Variants in PTPRD observed in about 807,000 individuals in gnomAD.
The protein encoded by PTPRD is protein tyrosine phosphatase receptor type D.
Under a neutral mutation model 214.5 loss-of-function variants are expected in PTPRD, and 34 were observed. That is an observed-to-expected ratio of 0.16 (90% CI 0.12 to 0.21). PTPRD has a LOEUF of 0.21. Ranked by LOEUF, PTPRD falls within the 10% of genes least tolerant of loss-of-function variation. PTPRD has a pLI of 1.00. For missense variants in PTPRD, 2,545 were observed against 2,398.7 expected (o/e 1.06, Z -1.27); for synonymous variants, 1,128 against 845.7 (o/e 1.33, Z -5.79).
intron 3 of PTPRD, among the ~76,000 whole-genome samples, chr9:10,046,843 T>A (rs2097407319): frequency 6.6e-6 from 1 of 151,970 alleles, no homozygotes; most frequent in African/African-American, 2.4e-5. Flanking sequence ...AAAATGGAAA[T>A]ACCACGAAAA....
intron 5 of PTPRD, among the ~76,000 whole-genome samples, chr9:9,928,870 C>G (rs943020640): frequency 6.6e-6 from 1 of 151,888 alleles, no homozygotes; most frequent in African/African-American, 2.4e-5. Flanking sequence ...TATTATTTCA[C>G]TTGGTAATAT....
Position 8,518,312 on chromosome 9 carries a change from G to A in PTPRD, c.1079C>T (p.Pro360Leu), listed in dbSNP as rs1428808899. The A allele has an allele frequency of 1.9e-6, 3 of 1,614,102 alleles. No homozygotes were observed. The highest frequency in any genetic ancestry group is 2.5e-6 in the Non-Finnish European group (3 of 1,180,002). The change falls in exon 21 of 46, where the codon CCT becomes CTT. Residue 360 changes from proline (P) to leucine (L), a missense_variant. Coordinates refer to ENST00000381196, the MANE Select transcript of PTPRD (RefSeq NM_002839.4). ...PVSYYIIQHK[P>L]KNSEELYKEI... is the part of the protein sequence containing the mutation. ...TTTGTAAAGTTCCTCAGAGTTTTTA[G>A]GTTTATGCTGAATTATGTAATAAGA...
At chr9:8,537,342 A>G (rs1241766815) in intron 14 of PTPRD, among the ~76,000 whole-genome samples, 1 of 150,996 alleles carries the variant, frequency 6.6e-6, no homozygotes, top group Non-Finnish European at 1.5e-5. Flanking sequence ...TATAAAGCAG[A>G]AAAAAAAACT....
intron 3 of PTPRD, among the ~76,000 whole-genome samples, chr9:10,102,170 T>C (rs1396645418): frequency 1.3e-5 from 2 of 151,716 alleles, no homozygotes; most frequent in East Asian, 3.9e-4. Flanking sequence ...ACCAGTTGGC[T>C]TTTCATGCCT....
intron 5 of PTPRD, among the ~76,000 whole-genome samples, chr9:9,927,852 T>G (rs1475571750): frequency 6.6e-6 from 1 of 152,100 alleles, no homozygotes; most frequent in African/African-American, 2.4e-5. Flanking sequence ...TTGCATTTTC[T>G]TGAGATATGT....
intron 6 of PTPRD, among the ~76,000 whole-genome samples, chr9:9,736,955 TCTTTA>T (rs1564869831): frequency 1.3e-5 from 2 of 152,176 alleles, no homozygotes; most frequent in East Asian, 1.9e-4. Flanking sequence ...TATTGAATCA[TCTTTA>T]CTTATGTGTC....
chr9:10,296,178 C>T (rs1006789196), intron 3 of PTPRD, among the ~76,000 whole-genome samples: 4 of 152,046 alleles, frequency 2.6e-5, no homozygotes, highest in Admixed American at 6.6e-5. Flanking sequence ...CAATTGCATT[C>T]TTGTTCTGTG....
Position 8,507,349 on chromosome 9 carries a change from G to T in PTPRD, c.1629C>A (p.Thr543=). 1 of 1,613,904 alleles carries T rather than the reference G, an allele frequency of 6.2e-7. No homozygotes were observed. Among genetic ancestry groups the T allele is most frequent in the Non-Finnish European group, 8.5e-7 (1 of 1,179,854 alleles). The change falls in exon 22 of 46, where the codon ACC becomes ACA. Residue 543 remains threonine (T), a synonymous_variant. Coordinates refer to ENST00000381196, the MANE Select transcript of PTPRD (RefSeq NM_002839.4). ...TGTAGACCAGTTCATAGTTGGCAATGGTATCTGAACGTGGAGGTGTCCAAG... is the reference window on the plus strand; with the variant it reads ...TGTAGACCAGTTCATAGTTGGCAATTGTATCTGAACGTGGAGGTGTCCAAG... ...LLSWTPPRSD[T]IANYELVYKD...
At chr9:10,062,364 G>A (rs550931985) in intron 3 of PTPRD, among the ~76,000 whole-genome samples, 1 of 152,118 alleles carries the variant, frequency 6.6e-6, no homozygotes, top group South Asian at 2.1e-4. Context: ...CCAGCATTTT[G>A]GGAGGCCAAG....
intron 2 of PTPRD, among the ~76,000 whole-genome samples, chr9:10,420,024 G>A (rs181836963): frequency 2.2e-4 from 33 of 151,640 alleles, no homozygotes; most frequent in Middle Eastern, 3.4e-3. Flanking sequence ...TACTGCTCTC[G>A]ATGTCTTTAT....
intron 7 of PTPRD, among the ~76,000 whole-genome samples, chr9:9,614,781 TGTAGAGCAGAACACA>T (rs2094751500): frequency 6.6e-6 from 1 of 152,170 alleles, no homozygotes; most frequent in Non-Finnish European, 1.5e-5. Flanking sequence ...CTGAAAAAGC[TGTAGAGCAGAACACA>T]GTATTTGAAC....
At chr9:9,810,678 T>C (rs147367796) in intron 5 of PTPRD, among the ~76,000 whole-genome samples, 2 of 151,954 alleles carry the variant, frequency 1.3e-5, no homozygotes, top group East Asian at 3.9e-4. Flanking sequence ...CCTAAAGAGC[T>C]CTCTGATGAA....
chr9:9,887,196 C>T (rs1417795533), intron 5 of PTPRD, among the ~76,000 whole-genome samples: 1 of 152,082 alleles, frequency 6.6e-6, no homozygotes, highest in Non-Finnish European at 1.5e-5. Context: ...AGCCTTCTGT[C>T]AATATCATAG....
intron 8 of PTPRD, among the ~76,000 whole-genome samples, chr9:9,432,775 C>A (rs1339817291): frequency 6.6e-6 from 1 of 152,098 alleles, no homozygotes; most frequent in Non-Finnish European, 1.5e-5. Context: ...AAAGAATAAG[C>A]CCTCAAACAT....
At chr9:9,626,395 G>T (rs907833222) in intron 7 of PTPRD, among the ~76,000 whole-genome samples, 2 of 152,136 alleles carry the variant, frequency 1.3e-5, no homozygotes, top group African/African-American at 4.8e-5. Flanking sequence ...CAAGTCACAG[G>T]ATTTAATAAA....
chr9:8,977,817 GA>G (rs2099276983), intron 11 of PTPRD, among the ~76,000 whole-genome samples: 1 of 151,984 alleles, frequency 6.6e-6, no homozygotes, highest in Admixed American at 6.6e-5. Flanking sequence ...AAGAAATGAG[GA>G]GATATTTAGG....
chr9:10,054,964 G>A (rs1444174182), intron 3 of PTPRD, among the ~76,000 whole-genome samples: 1 of 151,824 alleles, frequency 6.6e-6, no homozygotes, highest in African/African-American at 2.4e-5. Flanking sequence ...TCTTCATCAT[G>A]GGATTCGTGT....
chr9:9,740,761 T>G (rs2098388764), intron 6 of PTPRD, among the ~76,000 whole-genome samples: 1 of 152,210 alleles, frequency 6.6e-6, no homozygotes, highest in South Asian at 2.1e-4. Context: ...ACAAATAATT[T>G]TAGTGGAAAG....
chr9:9,046,977 A>C (rs2154388260), intron 10 of PTPRD, among the ~76,000 whole-genome samples: 1 of 151,650 alleles, frequency 6.6e-6, no homozygotes, highest in South Asian at 2.1e-4. Flanking sequence ...AAAGTCAAAT[A>C]ATCCTTGCTT....
Sources: gnomAD v4.1 joint callset for allele counts (sites outside exome capture counted in the v4.1 genomes callset) on GRCh38, gnomAD v4.1.1 for gene constraint, MANE v1.5 for transcripts, NCBI Gene and HGNC (gene_info 2026-07-23, HGNC 2026-07-21) for gene names.